Variants in CCSER1 observed in about 807,000 individuals in gnomAD.
CCSER1 encodes coiled-coil serine rich protein 1.
A neutral mutation model predicts 82.0 loss-of-function variants in CCSER1; 41 were observed. The ratio of observed to expected loss-of-function variants is 0.50; its 90% CI spans 0.39 to 0.65. The LOEUF is 0.65. CCSER1 is among the 30% of genes least tolerant of loss of function. The pLI is 0.00. For missense variants in CCSER1, 1,119 were observed against 1,064.2 expected, an observed-to-expected ratio of 1.05 and a Z score of -0.72; for synonymous variants, 414 against 383.9, an observed-to-expected ratio of 1.08 and a Z score of -0.92.
At chr4:90,817,489 C>CCT (rs1759170496) in intron 8 of CCSER1, among the ~76,000 whole-genome samples, 1 of 151,838 alleles carries the variant, frequency 6.6e-6, no homozygotes, top group African/African-American at 2.4e-5. Flanking sequence ...CTAAAAAAGT[C>CCT]CTATATATTT....
chr4:90,308,870 C>A lies in CCSER1; in HGVS notation c.586C>A (p.Leu196Ile). 1 of 1,613,874 alleles carries A rather than the reference C, an allele frequency of 6.2e-7. No homozygotes were observed. Among genetic ancestry groups the A allele is most frequent in the South Asian group, 1.1e-5 (1 of 91,074 alleles). Residue 196 changes from leucine to isoleucine, a missense_variant, in exon 2 of 11, where the codon CTA becomes ATA. Leu to Ile is a conservative substitution (Grantham distance 5, BLOSUM62 2). Transcript: ENST00000509176. ...TCACTATAAATTTTCTAAGCCAGTT[C>A]TACAGAGCCAATCCATTTCATTGGT... is the stretch of plus-strand genomic sequence containing the variant. Reference protein sequence around the residue: ...SSHYKFSKPVLQSQSISLVQQ... With the variant: ...SSHYKFSKPVIQSQSISLVQQ...
chr4:90,285,921 A>G (rs969028597), intron 1 of CCSER1, among the ~76,000 whole-genome samples: 5 of 151,914 alleles, frequency 3.3e-5, no homozygotes, highest in Admixed American at 2.0e-4. Flanking sequence ...CATTCTGTTG[A>G]TGTGATTTAT....
At chr4:91,083,103 C>T (rs896764652) in intron 9 of CCSER1, among the ~76,000 whole-genome samples, 11 of 152,134 alleles carry the variant, frequency 7.2e-5, no homozygotes, top group Non-Finnish European at 1.3e-4. Flanking sequence ...TATAAAGACA[C>T]ATGAACACGT....
chr4:90,486,211 C>T (rs1767029378), intron 5 of CCSER1, among the ~76,000 whole-genome samples: 1 of 152,186 alleles, frequency 6.6e-6, no homozygotes, highest in African/African-American at 2.4e-5. Flanking sequence ...CAATTCTTTT[C>T]CTCCTGGTTG....
intron 10 of CCSER1, among the ~76,000 whole-genome samples, chr4:91,304,304 T>C (rs1744884332): frequency 1.3e-5 from 2 of 152,146 alleles, no homozygotes; most frequent in Non-Finnish European, 2.9e-5. Flanking sequence ...ATTATGTTTA[T>C]TTACATTTAA....
At chr4:90,786,558 T>C (rs1001110121) in intron 7 of CCSER1, among the ~76,000 whole-genome samples, 4 of 152,216 alleles carry the variant, frequency 2.6e-5, no homozygotes, top group African/African-American at 9.6e-5. Context: ...AAAATAATTG[T>C]CATAATTTTG....
chr4:90,209,575 T>G (rs774728071), intron 1 of CCSER1, among the ~76,000 whole-genome samples: 16 of 152,094 alleles, frequency 1.1e-4, no homozygotes, highest in Non-Finnish European at 1.5e-4. Flanking sequence ...TTTCTCATGA[T>G]CTAATCAGTG....
chr4:91,464,574 T>C (rs113104337), intron 10 of CCSER1, among the ~76,000 whole-genome samples: 1,555 of 152,156 alleles, frequency 0.01, 11 homozygotes, highest in Middle Eastern at 0.02. Context: ...AGATAAAGAA[T>C]CAAGACCCAT....
chr4:91,519,772 C>A (rs1760351773), intron 10 of CCSER1, among the ~76,000 whole-genome samples: 1 of 152,174 alleles, frequency 6.6e-6, no homozygotes. Flanking sequence ...CTGTCTTGCT[C>A]CTCCCTGTCT....
intron 1 of CCSER1, among the ~76,000 whole-genome samples, chr4:90,165,763 A>G (rs1363059185): frequency 1.3e-5 from 2 of 152,034 alleles, no homozygotes; most frequent in Non-Finnish European, 2.9e-5. Context: ...ACAGGGAGGA[A>G]ATCTGCATGG....
At position 90,605,603 on chromosome 4, in the gene CCSER1, TTA is replaced by T. The variant is rs551472131; in HGVS notation, c.1725-22420_1725-22419del. The stretch of plus-strand genomic sequence containing the variant: ...AAAATTATCCAGTAGTACTCCAACA[TTA>T]TGTCTTTTTCTGTCTAGTCCTAATG... On this transcript the variant is annotated intron_variant, in intron 5 of 10. Transcript: ENST00000509176. Among the ~76,000 whole-genome samples the T allele has an allele frequency of 7.9e-4, 120 of 152,294 alleles. No individual in the cohort carries two copies. The Middle Eastern group carries it at 0.01, about 13-fold the overall frequency.
intron 10 of CCSER1, among the ~76,000 whole-genome samples, chr4:91,434,492 G>T (rs973572548): frequency 3.9e-5 from 6 of 151,964 alleles, no homozygotes; most frequent in African/African-American, 1.5e-4. Flanking sequence ...ATGAGATAGG[G>T]TGTCCTCTTA....
intron 4 of CCSER1, among the ~76,000 whole-genome samples, chr4:90,417,528 C>T (rs1311315007): frequency 6.6e-6 from 1 of 151,878 alleles, no homozygotes; most frequent in Non-Finnish European, 1.5e-5. Flanking sequence ...ATGTAATGGT[C>T]ATTTGGATGA....
Position 91,604,740 on chromosome 4 carries a change from T to C in CCSER1, c.*5683T>C, listed in dbSNP as rs998987316. ...GATATTCCTGTCTAGGAACTAAAAT[T>C]ACAGCTGATTTAGAATTTGCTTAAT... On this transcript the variant is annotated 3_prime_UTR_variant, in exon 11 of 11. Transcript: ENST00000509176. 13 of 152,030 alleles carry C rather than the reference T, an allele frequency of 8.6e-5. No homozygotes were observed. Among genetic ancestry groups the C allele is most frequent in the African/African-American group, 2.7e-4 (11 of 41,440 alleles). 9.4% of individuals were successfully genotyped at this position (152,030 alleles called of 1,614,324 possible).
At chr4:91,082,994 A>G (rs540708876) in intron 9 of CCSER1, among the ~76,000 whole-genome samples, 2 of 152,196 alleles carry the variant, frequency 1.3e-5, no homozygotes, top group African/African-American at 2.4e-5. Flanking sequence ...ATTGTGGAAG[A>G]CAGTGTGGCG....
chr4:91,546,962 CTTGAG>C (rs1292648801), intron 10 of CCSER1, among the ~76,000 whole-genome samples: 1 of 128,660 alleles, frequency 7.8e-6, no homozygotes, highest in Non-Finnish European at 1.6e-5. Flanking sequence ...TTAAATTTCT[CTTGAG>C]TTTTCTTTTT....
chr4:90,977,376 G>A lies in CCSER1; in HGVS notation c.2172+53929G>A, dbSNP rs551426450. On this transcript the variant is annotated intron_variant, in intron 9 of 10. Transcript: ENST00000509176. Reference sequence around the variant, plus strand: ...AAAGCAATCTTTGACATATACATACGTATATATATATGTATATATACACAC... The same window carrying A: ...AAAGCAATCTTTGACATATACATACATATATATATATGTATATATACACAC... Among the ~76,000 whole-genome samples, 9 of 150,822 alleles carry A rather than the reference G, an allele frequency of 6.0e-5. No individual in the cohort carries two copies. The South Asian group carries it at 1.5e-3, about 24-fold the overall frequency.
intron 10 of CCSER1, among the ~76,000 whole-genome samples, chr4:91,494,255 A>G (rs1560714695): frequency 6.6e-6 from 1 of 151,980 alleles, no homozygotes; most frequent in African/African-American, 2.4e-5. Flanking sequence ...ACAGACTGAG[A>G]CAATGTGCAA....
At chr4:90,157,923 A>G (rs1384750677) in intron 1 of CCSER1, among the ~76,000 whole-genome samples, 7 of 152,148 alleles carry the variant, frequency 4.6e-5, no homozygotes, top group African/African-American at 9.7e-5. Flanking sequence ...GTGAGGAACT[A>G]TGTTCCTTTG....
Sources: gnomAD v4.1 joint callset for allele counts (sites outside exome capture counted in the v4.1 genomes callset) on GRCh38, gnomAD v4.1.1 for gene constraint, MANE v1.5 for transcripts, NCBI Gene and HGNC (gene_info 2026-07-23, HGNC 2026-07-21) for gene names.